TRAPPC9: variants seen among roughly 807,000 people sequenced by gnomAD.
TRAPPC9 encodes IKK2 binding protein.
Under a neutral mutation model 124.0 loss-of-function variants are expected in TRAPPC9, and 83 were observed. The ratio of observed to expected loss-of-function variants is 0.67; its 90% CI spans 0.56 to 0.80. The LOEUF (loss-of-function observed/expected upper bound fraction) is 0.80. TRAPPC9 is among the 30% of genes least tolerant of loss of function. The pLI is 0.00. For synonymous variants in TRAPPC9, 638 were observed against 617.5 expected (o/e 1.03, Z -0.49); for missense variants, 1,302 against 1,508.3 (o/e 0.86, Z 2.27).
intron 17 of TRAPPC9, among the ~76,000 whole-genome samples, chr8:140,053,552 T>C (rs1429520406): frequency 6.6e-6 from 1 of 152,218 alleles, no homozygotes; most frequent in Non-Finnish European, 1.5e-5. Flanking sequence ...GGGTGGGATG[T>C]TCTGTGTAGA....
intron 21 of TRAPPC9, among the ~76,000 whole-genome samples, chr8:139,831,922 G>A (rs1337077879): frequency 6.6e-6 from 1 of 152,194 alleles, no homozygotes; most frequent in African/African-American, 2.4e-5. Flanking sequence ...GCCTTGAGTA[G>A]CCCCATTGTC....
intron 17 of TRAPPC9, among the ~76,000 whole-genome samples, chr8:140,057,916 A>G (rs1456023823): frequency 6.6e-6 from 1 of 152,248 alleles, no homozygotes; most frequent in Non-Finnish European, 1.5e-5. Context: ...TGAGCTCAGC[A>G]CACCAGAGCT....
At chr8:140,308,657 C>T (rs1001167194) in intron 10 of TRAPPC9, among the ~76,000 whole-genome samples, 10 of 152,050 alleles carry the variant, frequency 6.6e-5, no homozygotes, top group South Asian at 2.1e-4. Flanking sequence ...CTGAGGCGGG[C>T]GGATCACGAG....
At chr8:140,391,480 A>G (rs1157285169) in intron 7 of TRAPPC9, among the ~76,000 whole-genome samples, 1 of 152,186 alleles carries the variant, frequency 6.6e-6, no homozygotes, top group Non-Finnish European at 1.5e-5. Context: ...TGGAAGGCCA[A>G]GGCAGGTGGA....
intron 21 of TRAPPC9, among the ~76,000 whole-genome samples, chr8:139,797,131 G>T (rs1467017889): frequency 6.6e-6 from 1 of 151,796 alleles, no homozygotes; most frequent in Non-Finnish European, 1.5e-5. Context: ...AGAGGTCTTC[G>T]TATATTCTGG....
chr8:140,121,861 G>A (rs1265617996), intron 17 of TRAPPC9, among the ~76,000 whole-genome samples: 2 of 152,072 alleles, frequency 1.3e-5, no homozygotes, highest in Non-Finnish European at 2.9e-5. Context: ...CCTACCCTCT[G>A]GTGTTCATAC....
chr8:140,383,810 G>C lies in TRAPPC9; in HGVS notation c.1135-12630C>G, dbSNP rs145819667. ...AACATTCAAATTCACGAAATACAGA[G>C]AACACCACAAAGATACTCCTCAAGA... On this transcript the variant is annotated intron_variant, in intron 7 of 22. Transcript: ENST00000438773. Among the ~76,000 whole-genome samples the C allele has an allele frequency of 3.3e-3, 508 of 152,134 alleles. 1 individual carries two copies. The highest frequency in any genetic ancestry group is 0.012 in the African/African-American group (488 of 41,490).
At chr8:140,393,610 G>C (rs1203101337) in intron 7 of TRAPPC9, among the ~76,000 whole-genome samples, 1 of 152,166 alleles carries the variant, frequency 6.6e-6, no homozygotes, top group Non-Finnish European at 1.5e-5. Flanking sequence ...AAATCCAGAT[G>C]TATTATTTAT....
intron 17 of TRAPPC9, among the ~76,000 whole-genome samples, chr8:140,120,740 A>G (rs1400862150): frequency 6.8e-6 from 1 of 146,508 alleles, no homozygotes; most frequent in African/African-American, 2.6e-5. Flanking sequence ...TCCAACATCC[A>G]TCCATCCATT....
chr8:140,361,800 T>C (rs937224302), intron 8 of TRAPPC9, among the ~76,000 whole-genome samples: 2 of 152,180 alleles, frequency 1.3e-5, no homozygotes, highest in African/African-American at 4.8e-5. Flanking sequence ...CGTTACTTAC[T>C]ATTGCATCCC....
intron 6 of TRAPPC9, 48 bp from the exon 7 acceptor site, chr8:140,397,793 T>C (rs1563997867): frequency 6.2e-7 from 1 of 1,609,764 alleles, no homozygotes; most frequent in Non-Finnish European, 8.5e-7. Context: ...GTTCAGATGT[T>C]TCTGTCACAT....
At chr8:140,297,795 A>T (rs1301875974) in intron 11 of TRAPPC9, among the ~76,000 whole-genome samples, 1 of 152,232 alleles carries the variant, frequency 6.6e-6, no homozygotes, top group Non-Finnish European at 1.5e-5. Flanking sequence ...GAGAGCGTTT[A>T]TTCACATTTA....
intron 21 of TRAPPC9, among the ~76,000 whole-genome samples, chr8:139,837,677 C>T (rs1826446906): frequency 6.6e-6 from 1 of 152,204 alleles, no homozygotes; most frequent in African/African-American, 2.4e-5. Context: ...TGTCCACGCA[C>T]ATCTTTGGCA....
intron 17 of TRAPPC9, among the ~76,000 whole-genome samples, chr8:140,103,929 T>C (rs1309624394): frequency 2.0e-5 from 3 of 152,230 alleles, no homozygotes; most frequent in Admixed American, 6.5e-5. Flanking sequence ...AGAGACAGTG[T>C]ATACCACCAG....
At chr8:140,020,316 TG>T (rs2131899506) in intron 18 of TRAPPC9, among the ~76,000 whole-genome samples, 1 of 152,354 alleles carries the variant, frequency 6.6e-6, no homozygotes, top group East Asian at 1.9e-4. Flanking sequence ...GCAATATCAC[TG>T]ATTTTAAGCC....
chr8:139,873,101 T>C (rs957344356), intron 21 of TRAPPC9, among the ~76,000 whole-genome samples: 1 of 151,862 alleles, frequency 6.6e-6, no homozygotes, highest in Non-Finnish European at 1.5e-5. Flanking sequence ...GGTTGGTGGG[T>C]AGATGGTTGG....
At chr8:139,744,804 G>A (rs577055629) in intron 21 of TRAPPC9, among the ~76,000 whole-genome samples, 4 of 152,240 alleles carry the variant, frequency 2.6e-5, no homozygotes, top group Non-Finnish European at 4.4e-5. Context: ...CTGAGGAGCT[G>A]TTGGGCTCTC....
intron 16 of TRAPPC9, among the ~76,000 whole-genome samples, chr8:140,240,062 AATG>A (rs2063822762): frequency 2.0e-5 from 3 of 152,332 alleles, no homozygotes. Context: ...TCCTGACCAC[AATG>A]ATAAGTGGAA....
intron 17 of TRAPPC9, among the ~76,000 whole-genome samples, chr8:140,027,955 C>T (rs1840257765): frequency 6.6e-6 from 1 of 152,104 alleles, no homozygotes; most frequent in East Asian, 1.9e-4. Context: ...CCTCCCTCGA[C>T]ACGTGGGGAT....
Sources: allele counts gnomAD v4.1 joint callset (sites outside exome capture counted in the v4.1 genomes callset), GRCh38; gene constraint gnomAD v4.1.1; transcripts MANE v1.5; gene names NCBI Gene and HGNC (gene_info 2026-07-23, HGNC 2026-07-21).